Variants in CR1L observed in about 807,000 individuals in gnomAD.
The protein encoded by CR1L is complement component receptor 1-like protein.
CR1L carries 59 observed loss-of-function variants against 62.3 expected under a neutral mutation model. The observed-to-expected ratio is 0.95, with a 90% confidence interval of 0.77 to 1.18. The LOEUF (loss-of-function observed/expected upper bound fraction) is 1.18, where lower values mean the gene tolerates loss of function less well. Among genes scored for constraint, CR1L ranks in the 50% most tolerant of loss-of-function variants. The pLI, the probability that CR1L is intolerant of heterozygous loss-of-function variation, is 0.00. For synonymous variants in CR1L, 279 were observed against 248.7 expected (o/e 1.12, Z -1.15); for missense variants, 700 against 702.8 (o/e 1.00, Z 0.04).
intron 1 of CR1L, among the ~76,000 whole-genome samples, chr1:207,660,538 C>A (rs1049968103): frequency 6.6e-6 from 1 of 152,194 alleles, no homozygotes; most frequent in African/African-American, 2.4e-5. Context: ...TCTCTCTTTT[C>A]TTCTTTATTA....
intron 5 of CR1L, among the ~76,000 whole-genome samples, chr1:207,696,118 C>T (rs984917953): frequency 6.6e-6 from 1 of 152,194 alleles, no homozygotes; most frequent in African/African-American, 2.4e-5. Flanking sequence ...TCCCAGTCTA[C>T]ACAGCACAGG....
intron 10 of CR1L, chr1:207,710,832 C>T: frequency 6.9e-7 from 1 of 1,459,768 alleles, no homozygotes; most frequent in Non-Finnish European, 9.6e-7. Flanking sequence ...ACATGCATTG[C>T]TGTTGGATCA....
At chr1:207,694,246 T>C in intron 4 of CR1L, 107 bp from the exon 5 acceptor site, 3 of 1,384,910 alleles carry the variant, frequency 2.2e-6, no homozygotes, top group Non-Finnish European at 3.0e-6. Context: ...ACCTACGTGT[T>C]AGCAAAGAAT....
intron 10 of CR1L, among the ~76,000 whole-genome samples, chr1:207,716,775 G>T (rs532832419): frequency 2.6e-4 from 39 of 152,228 alleles, no homozygotes; most frequent in Middle Eastern, 6.8e-3. Context: ...ACATAATTCC[G>T]ATAAACTTGG....
Position 207,691,805 on chromosome 1 carries a change from A to G in CR1L, c.464-2548A>G, listed in dbSNP as rs140688841. ...ATTTGTGTCCTCCTCCTCTTTTTGTATTGTTGCCATACGTTTTGTAAAAAG... is the reference window on the plus strand; with the variant it reads ...ATTTGTGTCCTCCTCCTCTTTTTGTGTTGTTGCCATACGTTTTGTAAAAAG... On this transcript the variant is annotated intron_variant, in intron 4 of 11. Coordinates refer to ENST00000508064, the MANE Select transcript of CR1L (RefSeq NM_175710.2). 4.9e-4 allele frequency among the ~76,000 whole-genome samples: 74 copies of G among 152,270 alleles called. 1 individual carries two copies. The East Asian group carries it at 9.3e-3, about 19-fold the overall frequency.
intron 4 of CR1L, among the ~76,000 whole-genome samples, chr1:207,684,314 C>A (rs1020969232): frequency 6.6e-6 from 1 of 152,108 alleles, no homozygotes; most frequent in Non-Finnish European, 1.5e-5. Flanking sequence ...GTTAGCGAAG[C>A]TGTGGAAGAA....
At chr1:207,655,261 C>T in intron 1 of CR1L, 2 of 713,816 alleles carry the variant, frequency 2.8e-6, no homozygotes, top group South Asian at 3.2e-5. Flanking sequence ...AGCAGTAAGC[C>T]CCCAATATGT....
At chr1:207,665,987 C>G (rs1325745687) in intron 1 of CR1L, among the ~76,000 whole-genome samples, 2 of 152,176 alleles carry the variant, frequency 1.3e-5, no homozygotes, top group South Asian at 2.1e-4. Context: ...TGAAGCCGCA[C>G]TGAGTAGAGA....
chr1:207,711,052 C>T lies in CR1L; in HGVS notation c.1414+2789C>T, dbSNP rs542205719. Among the ~76,000 whole-genome samples, 13 of 152,334 alleles carry T rather than the reference C, an allele frequency of 8.5e-5. No individual in the cohort carries two copies. In the East Asian group the frequency reaches 2.3e-3, roughly 27 times the overall value. On this transcript the variant is annotated intron_variant, in intron 10 of 11. Coordinates refer to ENST00000508064, the MANE Select transcript of CR1L (RefSeq NM_175710.2). ...AATTGTCAGGGCAAAGTACCAGCTG[C>T]AATCTCTCTCAATTATATTGAAAAA... is the stretch of plus-strand genomic sequence containing the variant.
chr1:207,648,206 GAC>G (rs67535125), intron 1 of CR1L, among the ~76,000 whole-genome samples: 48,933 of 108,352 alleles, frequency 0.45, 9,784 homozygotes, highest in Non-Finnish European at 0.47. Flanking sequence ...CACACACACA[GAC>G]ACACACACAC....
At chr1:207,676,671 T>G (rs1663697073) in intron 1 of CR1L, among the ~76,000 whole-genome samples, 1 of 152,202 alleles carries the variant, frequency 6.6e-6, no homozygotes, top group Non-Finnish European at 1.5e-5. Context: ...ATTATTATTG[T>G]TAAGATGGAG....
intron 1 of CR1L, chr1:207,652,661 T>C: frequency 9.6e-7 from 1 of 1,044,360 alleles, no homozygotes; most frequent in Non-Finnish European, 1.5e-6. Flanking sequence ...CACTTCTACG[T>C]ACCTCCTCTT....
intron 10 of CR1L, among the ~76,000 whole-genome samples, chr1:207,712,960 C>T (rs1476945262): frequency 6.6e-6 from 1 of 152,092 alleles, no homozygotes; most frequent in African/African-American, 2.4e-5. Flanking sequence ...AAGAAGTACC[C>T]AGAGAGATTA....
At chr1:207,708,320 C>G in intron 10 of CR1L, 57 bp downstream of exon 10, 1 of 1,584,936 alleles carries the variant, frequency 6.3e-7, no homozygotes, top group Non-Finnish European at 8.6e-7. Context: ...AGTTGTCCTC[C>G]TAGAATTACA....
rs765271311 is a variant in CR1L at position 207,697,799 on chromosome 1, A to G, written c.1068A>G (p.Gln356=). Residue 356 remains glutamine, a synonymous_variant, in exon 7 of 12, where the codon CAA becomes CAG. Transcript: ENST00000508064. The part of the protein sequence containing the change: ...EVKSCDDFLG[Q]LPNGHVLFPL... Reference sequence around the variant, plus strand: ...AATCCTGTGATGACTTCCTGGGCCAACTTCCTAATGGCCATGTGCTATTTC... The same window carrying G: ...AATCCTGTGATGACTTCCTGGGCCAGCTTCCTAATGGCCATGTGCTATTTC... 63 of 1,613,820 alleles carry G rather than the reference A, an allele frequency of 3.9e-5. No homozygotes were observed. The highest frequency in any genetic ancestry group is 6.6e-5 in the South Asian group (6 of 91,080).
chr1:207,706,184 C>T (rs901011433), intron 9 of CR1L, among the ~76,000 whole-genome samples: 11 of 151,692 alleles, frequency 7.3e-5, no homozygotes, highest in African/African-American at 2.7e-4. Context: ...CACTGAGAGG[C>T]CGAAGCAAGA....
At chr1:207,713,462 C>G (rs1194676705) in intron 10 of CR1L, among the ~76,000 whole-genome samples, 1 of 152,236 alleles carries the variant, frequency 6.6e-6, no homozygotes, top group Non-Finnish European at 1.5e-5. Context: ...AGCTGGTGAC[C>G]TCTGGCCAGA....
At chr1:207,716,918 C>T (rs528819828) in intron 10 of CR1L, among the ~76,000 whole-genome samples, 5 of 152,248 alleles carry the variant, frequency 3.3e-5, no homozygotes, top group African/African-American at 1.2e-4. Context: ...CTCTTTGGCA[C>T]CATTTAATCT....
chr1:207,648,121 C>T (rs1663161470), intron 1 of CR1L, among the ~76,000 whole-genome samples: 1 of 148,814 alleles, frequency 6.7e-6, no homozygotes, highest in South Asian at 2.1e-4. Flanking sequence ...TGCAGTGAGC[C>T]CTAATCATAC....
Sources: allele counts gnomAD v4.1 joint callset (sites outside exome capture counted in the v4.1 genomes callset), GRCh38; gene constraint gnomAD v4.1.1; transcripts MANE v1.5; gene names NCBI Gene and HGNC (gene_info 2026-07-23, HGNC 2026-07-21).